KSR2: variants seen among roughly 807,000 people sequenced by gnomAD.
The protein encoded by KSR2 is kinase suppressor of ras 2.
KSR2 carries 25 observed loss-of-function variants against 107.8 expected under a neutral mutation model. The ratio of observed to expected loss-of-function variants is 0.23; its 90% CI spans 0.17 to 0.32. The LOEUF (loss-of-function observed/expected upper bound fraction) is 0.32, where lower values mean the gene tolerates loss of function less well. Ranked by LOEUF, KSR2 falls within the 10% of genes least tolerant of loss-of-function variation. The pLI is 1.00. For missense variants in KSR2, 887 were observed against 1,268.9 expected (o/e 0.70, Z 4.57); for synonymous variants, 480 against 507.0 (o/e 0.95, Z 0.71).
chr12:117,900,744 T>C (rs1343819692), intron 1 of KSR2, among the ~76,000 whole-genome samples: 1 of 152,188 alleles, frequency 6.6e-6, no homozygotes, highest in Non-Finnish European at 1.5e-5. Flanking sequence ...AACATGACAA[T>C]GTGTTGAGTC....
intron 4 of KSR2, among the ~76,000 whole-genome samples, chr12:117,760,542 A>G (rs1888964823): frequency 1.3e-5 from 2 of 152,190 alleles, no homozygotes; most frequent in African/African-American, 4.8e-5. Flanking sequence ...TGTGACTACT[A>G]GAAAGTTGAA....
intron 3 of KSR2, among the ~76,000 whole-genome samples, chr12:117,772,577 C>A (rs201972756): frequency 7.1e-6 from 1 of 139,952 alleles, no homozygotes; most frequent in African/African-American, 2.7e-5. Flanking sequence ...CACTCATACA[C>A]ACACACCATT....
intron 4 of KSR2, among the ~76,000 whole-genome samples, chr12:117,692,517 T>C (rs145441470): frequency 0.1 from 12,776 of 125,246 alleles, 1,671 homozygotes; most frequent in East Asian, 0.26. Flanking sequence ...CACACACACA[T>C]ATATATACAC....
At chr12:117,592,121 CT>C (rs879610889) in intron 5 of KSR2, among the ~76,000 whole-genome samples, 735 of 141,958 alleles carry the variant, frequency 5.2e-3, no homozygotes, top group Middle Eastern at 0.011. Context: ...TTCCCCCCAA[CT>C]TTTTTTTTTT....
chr12:117,564,470 C>T (rs1820465185), intron 7 of KSR2, among the ~76,000 whole-genome samples: 1 of 152,162 alleles, frequency 6.6e-6, no homozygotes, highest in Admixed American at 6.5e-5. Flanking sequence ...ACAGAAAAAG[C>T]CTGCAAACTT....
intron 3 of KSR2, among the ~76,000 whole-genome samples, chr12:117,848,835 G>GTGATGGTGGTGGGTGGTGATGGTGGTGA (rs1226463085): frequency 2.5e-5 from 1 of 40,132 alleles, no homozygotes; most frequent in Non-Finnish European, 5.8e-5. Flanking sequence ...GATGGTGGTA[G>GTGATGGTGGTGGGTGGTGATGGTGGTGA]TGGTGGTGAT....
chr12:117,826,704 ATG>A (rs1891765284), intron 3 of KSR2, among the ~76,000 whole-genome samples: 7 of 89,926 alleles, frequency 7.8e-5, no homozygotes, highest in Admixed American at 6.8e-4. Flanking sequence ...ATATACACAC[ATG>A]CACACACACA....
intron 1 of KSR2, among the ~76,000 whole-genome samples, chr12:117,912,574 A>G (rs1012075133): frequency 6.6e-5 from 10 of 152,342 alleles, no homozygotes; most frequent in East Asian, 5.8e-4. Flanking sequence ...AAATAATCCT[A>G]TAAGATTAAG....
chr12:117,566,421 G>GC (rs1414004044), intron 7 of KSR2, among the ~76,000 whole-genome samples: 2 of 152,120 alleles, frequency 1.3e-5, no homozygotes, highest in African/African-American at 4.8e-5. Flanking sequence ...CGCCTGGCCT[G>GC]CCCCCCTCTT....
chr12:117,715,470 G>A (rs558373658), intron 4 of KSR2, among the ~76,000 whole-genome samples: 4 of 152,328 alleles, frequency 2.6e-5, no homozygotes, highest in African/African-American at 7.2e-5. Context: ...AGAGCGCAAG[G>A]GAGAAAATTC....
intron 1 of KSR2, among the ~76,000 whole-genome samples, chr12:117,954,673 T>G (rs1760832828): frequency 6.6e-6 from 1 of 152,188 alleles, no homozygotes; most frequent in Non-Finnish European, 1.5e-5. Context: ...AGCTCCCTTC[T>G]GCCAATCTGC....
intron 13 of KSR2, among the ~76,000 whole-genome samples, chr12:117,526,578 C>T (rs1565884391): frequency 6.6e-6 from 1 of 152,200 alleles, no homozygotes; most frequent in Non-Finnish European, 1.5e-5. Context: ...TGACTCAATT[C>T]CTTTCAGTAT....
intron 5 of KSR2, among the ~76,000 whole-genome samples, chr12:117,661,440 A>G (rs75069848): frequency 0.12 from 18,069 of 152,174 alleles, 1,162 homozygotes; most frequent in East Asian, 0.17. Flanking sequence ...GAGAGAGAGA[A>G]AGAAAGAAAG....
At chr12:117,906,606 CA>C (rs561851470) in intron 1 of KSR2, among the ~76,000 whole-genome samples, 35 of 140,016 alleles carry the variant, frequency 2.5e-4, no homozygotes, top group Middle Eastern at 3.8e-3. Context: ...AACTCCTTCT[CA>C]AAAAAAAAAA....
chr12:117,731,037 G>C (rs535558011), intron 4 of KSR2, among the ~76,000 whole-genome samples: 10 of 149,698 alleles, frequency 6.7e-5, no homozygotes, highest in Admixed American at 4.0e-4. Flanking sequence ...ACCTCTTCCC[G>C]GCCGCCATCC....
intron 3 of KSR2, among the ~76,000 whole-genome samples, chr12:117,816,171 T>C (rs550281852): frequency 6.6e-6 from 1 of 152,148 alleles, no homozygotes; most frequent in South Asian, 2.1e-4. Context: ...TTATATGACT[T>C]ACCAGGCTAA....
chr12:117,827,014 G>C (rs563523440), intron 3 of KSR2, among the ~76,000 whole-genome samples: 1 of 136,366 alleles, frequency 7.3e-6, no homozygotes, highest in Non-Finnish European at 1.5e-5. Context: ...CAGCCTGGCC[G>C]ACACAGTGAG....
intron 3 of KSR2, among the ~76,000 whole-genome samples, chr12:117,832,473 G>C (rs978181861): frequency 1.6e-4 from 25 of 152,214 alleles, no homozygotes; most frequent in Non-Finnish European, 5.9e-5. Flanking sequence ...GTTGAGCACA[G>C]AGAATGCAGC....
At chr12:117,582,148 C>T (rs778920948) in intron 6 of KSR2, 142 bp downstream of exon 6, 13 of 640,104 alleles carry the variant, frequency 2.0e-5, no homozygotes, top group South Asian at 4.1e-5. Flanking sequence ...AAAGTTTAGC[C>T]GAGCAGAGGA....
Sources: allele counts gnomAD v4.1 joint callset (sites outside exome capture counted in the v4.1 genomes callset), GRCh38; gene constraint gnomAD v4.1.1; transcripts MANE v1.5; gene names NCBI Gene and HGNC (gene_info 2026-07-23, HGNC 2026-07-21).